The following TECTA variants were observed in gnomAD, a reference collection of about 807,000 sequenced individuals.
TECTA encodes the protein alpha-tectorin.
TECTA carries 128 observed loss-of-function variants against 216.8 expected under a neutral mutation model. The observed-to-expected ratio is 0.59, with a 90% CI of 0.51 to 0.68. TECTA has a LOEUF of 0.68. TECTA is among the 30% of genes least tolerant of loss of function. The probability of loss-of-function intolerance (pLI) is 0.00; values close to 1 mark genes in which losing one functional copy is unlikely to be tolerated. For synonymous variants in TECTA, 1,089 were observed against 1,117.1 expected (o/e 0.97, Z 0.50); for missense variants, 2,551 against 2,786.2 (o/e 0.92, Z 1.90).
chr11:121,159,926 G>C (rs1946981103), intron 14 of TECTA, among the ~76,000 whole-genome samples: 1 of 152,176 alleles, frequency 6.6e-6, no homozygotes, highest in Non-Finnish European at 1.5e-5. Flanking sequence ...CTGCCTGTTT[G>C]TGTAAATAAA....
intron 20 of TECTA, among the ~76,000 whole-genome samples, chr11:121,183,963 A>G (rs1947256650): frequency 2.0e-5 from 3 of 151,526 alleles, no homozygotes; most frequent in African/African-American, 7.3e-5. Flanking sequence ...AATTTTCTCT[A>G]TTTTTCGTAG....
intron 13 of TECTA, 129 bp from the exon 14 acceptor site, chr11:121,157,711 GC>G: frequency 7.6e-7 from 1 of 1,319,328 alleles, no homozygotes; most frequent in Non-Finnish European, 1.1e-6. Flanking sequence ...CCCCACTGCT[GC>G]CTCCTACAAA....
intron 11 of TECTA, among the ~76,000 whole-genome samples, chr11:121,139,868 A>G (rs1485612087): frequency 2.6e-5 from 4 of 152,200 alleles, no homozygotes; most frequent in Non-Finnish European, 4.4e-5. Flanking sequence ...TTGGATAGTC[A>G]AAGCTACCCA....
In TECTA at chr11:121,145,847, T is replaced by G; in HGVS notation, c.3836T>G (p.Val1279Gly). 1 of 1,614,206 alleles carries G rather than the reference T, an allele frequency of 6.2e-7. No individual in the cohort carries two copies. Among genetic ancestry groups the G allele is most frequent in the Non-Finnish European group, 8.5e-7 (1 of 1,180,022 alleles). ...SWVKRDTFCQ[V>G]GCGDRCPSCA... ...GTGAAGAGGGACACCTTCTGCCAGG[T>G]GGGCTGTGGGGACCGCTGTCCGTCC... The change falls in exon 12 of 24, where the codon GTG becomes GGG. Residue 1279 changes from valine to glycine, a missense_variant. This residue lies in a region of TECTA where 2,375 missense variants were observed against 2,563.9 expected (regional missense o/e 0.93). Transcript: ENST00000392793.
chr11:121,125,694 C>A lies in TECTA; in HGVS notation c.1596C>A (p.Gly532=). ...DYCGFLNKTD[G]PLWECGTVVD... ...GCGGCTTCCTCAACAAGACAGACGGCCCTCTGTGGGAGTGTGGCACTGTCG... is the reference window on the plus strand; with the variant it reads ...GCGGCTTCCTCAACAAGACAGACGGACCTCTGTGGGAGTGTGGCACTGTCG... Residue 532 remains glycine, a synonymous_variant, in exon 8 of 24, where the codon GGC becomes GGA. Coordinates refer to ENST00000392793, the MANE Select transcript of TECTA (RefSeq NM_005422.4). The A allele has an allele frequency of 6.2e-7, 1 of 1,609,806 alleles. No homozygotes were observed. Among genetic ancestry groups the A allele is most frequent in the Non-Finnish European group, 8.5e-7 (1 of 1,176,274 alleles).
At chr11:121,180,867 T>C (rs554524253) in intron 20 of TECTA, among the ~76,000 whole-genome samples, 3 of 148,464 alleles carry the variant, frequency 2.0e-5, no homozygotes, top group Admixed American at 1.4e-4. Flanking sequence ...TGTATTCAAG[T>C]TTTAAAATTC....
rs1555132402 is a variant in TECTA, at chr11:121,189,153, C to A, written c.6236C>A (p.Pro2079His). ...AAAGAACAGATCATTTCAGTGGGAC[C>A]TATTAGGAGAAAAAGTATGTATGTT... ...EPKEQIISVG[P>H]IRRKRLDWCE... The change falls in exon 22 of 24, where the codon CCT becomes CAT. Residue 2079 changes from proline to histidine, a missense_variant. Pro to His is a moderately conservative substitution (Grantham distance 77). Coordinates refer to ENST00000392793, the MANE Select transcript of TECTA (RefSeq NM_005422.4). 6.2e-7 allele frequency: 1 copy of A among 1,613,982 alleles called. No homozygotes were observed. The highest frequency in any genetic ancestry group is 8.5e-7 in the Non-Finnish European group (1 of 1,179,914).
intron 12 of TECTA, among the ~76,000 whole-genome samples, chr11:121,147,749 G>A (rs1946852702): frequency 6.6e-6 from 1 of 152,114 alleles, no homozygotes; most frequent in South Asian, 2.1e-4. Context: ...GACATGTTGT[G>A]GAGACTTCCC....
At chr11:121,120,426 C>T (rs567092018) in intron 7 of TECTA, among the ~76,000 whole-genome samples, 7 of 152,274 alleles carry the variant, frequency 4.6e-5, no homozygotes, top group Admixed American at 1.3e-4. Flanking sequence ...GAGACTGGCT[C>T]GATGGATGGC....
chr11:121,156,507 C>T (rs752388091), intron 13 of TECTA, among the ~76,000 whole-genome samples: 13 of 151,968 alleles, frequency 8.6e-5, no homozygotes, highest in African/African-American at 1.2e-4. Flanking sequence ...CCATGCCTGG[C>T]GAGTTTTTGT....
In TECTA at chr11:121,127,895, A is replaced by G; in HGVS notation, c.1918A>G (p.Ser640Gly). 1.9e-6 allele frequency: 3 copies of G among 1,614,064 alleles called. No individual in the cohort carries two copies. Among genetic ancestry groups the G allele is most frequent in the Non-Finnish European group, 2.5e-6 (3 of 1,180,016 alleles). ...CGAGTGCAACCAGGGCTTCGTCCTCAGCACCAGCCAGTGCGTCCCTCTGCA... is the reference window on the plus strand; with the variant it reads ...CGAGTGCAACCAGGGCTTCGTCCTCGGCACCAGCCAGTGCGTCCCTCTGCA... ...GCECNQGFVLSTSQCVPLHKC... is the reference protein window; with the variant it reads ...GCECNQGFVLGTSQCVPLHKC... The change falls in exon 9 of 24, where the codon AGC (serine) becomes GGC (glycine). Residue 640 changes from serine to glycine, a missense_variant. By Grantham distance (56) the Ser-to-Gly change is moderately conservative. Around this residue, in one of 3 missense-constraint regions of TECTA, gnomAD observed 2,375 missense variants for 2,563.9 expected, o/e 0.93. Transcript: ENST00000392793. This position sits in a 1 kb window ranked among gnomAD's most constrained non-coding sequence, Gnocchi z 5.0.
At position 121,190,859 on chromosome 11, in the gene TECTA, G is replaced by A. The variant is rs757179654; in HGVS notation, c.*53G>A. ...TGTAATTTACTTACTTCAACACCCT[G>A]TAGGATAAAAAGTGTGTGCCCTTAA... is the stretch of plus-strand genomic sequence containing the variant. On this transcript the variant is annotated 3_prime_UTR_variant, in exon 24 of 24. Transcript: ENST00000392793. 53 of 1,369,742 alleles carry A rather than the reference G, an allele frequency of 3.9e-5. No homozygotes were observed. Among genetic ancestry groups the A allele is most frequent in the Non-Finnish European group, 5.3e-5 (52 of 973,374 alleles). The allele number at this position is 1,369,742 out of a possible 1,614,324, so 84.8% of individuals were successfully genotyped here. A position where few individuals can be genotyped will look rare whatever the true frequency, so the allele number is the denominator to read the frequency against.
chr11:121,116,229 C>T (rs1946500060), intron 6 of TECTA, among the ~76,000 whole-genome samples: 2 of 152,206 alleles, frequency 1.3e-5, no homozygotes, highest in South Asian at 4.1e-4. Flanking sequence ...TCCTCCCCTA[C>T]AGAGTGTAAA....
chr11:121,153,196 C>T lies in TECTA; in HGVS notation c.4305+116C>T, dbSNP rs1001684164. ...ACTTCATTATGAAGAGCGTCGTGTTCGTGGCAGGGGAATGGGATGGGGGGT... is the reference window on the plus strand; with the variant it reads ...ACTTCATTATGAAGAGCGTCGTGTTTGTGGCAGGGGAATGGGATGGGGGGT... On this transcript the variant is annotated intron_variant, in intron 13 of 23. Transcript: ENST00000392793. 7.2e-6 allele frequency: 9 copies of T among 1,258,216 alleles called. No individual in the cohort carries two copies. The African/African-American group carries it at 1.5e-4, about 20-fold the overall frequency. 77.9% of individuals were successfully genotyped at this position (1,258,216 alleles called of 1,614,324 possible). A position where few individuals can be genotyped will look rare whatever the true frequency, so the allele number is the denominator to read the frequency against.
At chr11:121,161,606 C>A in intron 15 of TECTA, among the ~76,000 whole-genome samples, 1 of 104,466 alleles carries the variant, frequency 9.6e-6, no homozygotes, top group Non-Finnish European at 1.9e-5. Context: ...CAACTGGACA[C>A]CAACTTTCTT....
At chr11:121,157,213 C>T (rs1391815118) in intron 13 of TECTA, among the ~76,000 whole-genome samples, 5 of 152,168 alleles carry the variant, frequency 3.3e-5, no homozygotes. Flanking sequence ...ACCAAATATT[C>T]TTCCTCTTTA....
chr11:121,154,963 A>G (rs530584070), intron 13 of TECTA, among the ~76,000 whole-genome samples: 6 of 152,318 alleles, frequency 3.9e-5, no homozygotes, highest in South Asian at 2.1e-4. Flanking sequence ...CTTGGCTGCT[A>G]TTAGTACTAC....
At chr11:121,137,318 A>T in intron 10 of TECTA, 103 bp from the exon 11 acceptor site, 11 of 1,471,576 alleles carry the variant, frequency 7.5e-6, no homozygotes, top group Non-Finnish European at 9.5e-6. Context: ...ACGCACATGC[A>T]CTCACAAACA....
intron 6 of TECTA, among the ~76,000 whole-genome samples, chr11:121,115,164 C>A (rs1364553065): frequency 6.7e-6 from 1 of 149,506 alleles, no homozygotes; most frequent in Non-Finnish European, 1.5e-5. Flanking sequence ...CATTCACCCA[C>A]CCATCCATCC....
Sources: gnomAD v4.1 joint callset for allele counts (sites outside exome capture counted in the v4.1 genomes callset) on GRCh38, gnomAD v4.1.1 for gene constraint, gnomAD v4.1.1 regional missense constraint, Gnocchi (gnomAD v3.1) non-coding constraint, MANE v1.5 for transcripts, NCBI Gene and HGNC (gene_info 2026-07-23, HGNC 2026-07-21) for gene names.